NINJ2: variants seen among roughly 807,000 people sequenced by gnomAD.
NINJ2 encodes ninjurin-2.
In NINJ2, 12 loss-of-function variants were observed where a neutral mutation model predicts 11.7. The ratio of observed to expected loss-of-function variants is 1.02; its 90% CI spans 0.66 to 1.66. NINJ2 has a LOEUF of 1.66. Ranked by LOEUF, NINJ2 falls within the 40% of genes most tolerant of loss-of-function variation. The pLI is 0.00. For synonymous variants in NINJ2, 93 were observed against 76.8 expected, an observed-to-expected ratio of 1.21 and a Z score of -1.10; for missense variants, 187 against 181.8, an observed-to-expected ratio of 1.03 and a Z score of -0.16.
rs900897332 is a variant in NINJ2 at position 614,732 on chromosome 12, G to T, written c.34-48554C>A. Among the ~76,000 whole-genome samples the T allele has an allele frequency of 6.6e-6, 1 of 152,054 alleles. No homozygotes were observed. Among genetic ancestry groups the T allele is most frequent in the Non-Finnish European group, 1.5e-5 (1 of 68,020 alleles). On this transcript the variant is annotated intron_variant, in intron 1 of 3. Coordinates refer to ENST00000305108, the MANE Select transcript of NINJ2 (RefSeq NM_016533.6). This position sits in a 1 kb window ranked among gnomAD's most constrained non-coding sequence, Gnocchi z 5.1. ...GGGAACAAAGGCTTGACACCTCAGG[G>T]CTCGGCCTGCCTGTTTTTTGAGCTG...
In NINJ2 at chr12:633,420, C is replaced by T. The variant is rs1293004493; in HGVS notation, c.33+29908G>A. On this transcript the variant is annotated intron_variant, in intron 1 of 3. Transcript: ENST00000305108. The surrounding 1 kb of genome is among the most constrained non-coding windows in gnomAD (Gnocchi z 4.3). ...TGCTGAGGCAGGCGAATCACTGGTT[C>T]CACCAGGAGGTGGACGCTGCAGTGA... Among the ~76,000 whole-genome samples, 3 of 151,990 alleles carry T rather than the reference C, an allele frequency of 2.0e-5. No homozygotes were observed. The highest frequency in any genetic ancestry group is 2.9e-5 in the Non-Finnish European group (2 of 67,974).
intron 2 of NINJ2, 38 bp from the exon 3 acceptor site, chr12:565,439 G>T: frequency 2.5e-6 from 4 of 1,602,476 alleles, no homozygotes; most frequent in Non-Finnish European, 2.6e-6. Context: ...GGTCAGAGAC[G>T]GGGCCACAGC....
intron 1 of NINJ2, among the ~76,000 whole-genome samples, chr12:648,901 A>G (rs1230782666): frequency 6.6e-6 from 1 of 152,082 alleles, no homozygotes; most frequent in African/African-American, 2.4e-5. Context: ...CGGCACTAGA[A>G]TACTCTTGCA....
At chr12:568,750 A>C (rs1391835342) in intron 1 of NINJ2, among the ~76,000 whole-genome samples, 1 of 152,172 alleles carries the variant, frequency 6.6e-6, no homozygotes, top group East Asian at 1.9e-4. Flanking sequence ...GGTAATCAGG[A>C]GTGTGCACTT....
rs561155046 is a variant in NINJ2, at chr12:585,410, G to A, written c.34-19232C>T. Among the ~76,000 whole-genome samples the A allele has an allele frequency of 1.9e-4, 29 of 152,292 alleles. No homozygotes were observed. The highest frequency in any genetic ancestry group is 6.7e-4 in the African/African-American group (28 of 41,562). On this transcript the variant is annotated intron_variant, in intron 1 of 3. Transcript: ENST00000305108. This position sits in a 1 kb window ranked among gnomAD's most constrained non-coding sequence, Gnocchi z 4.1. ...ACAATCCCACACCAGGAAGCCCCAC[G>A]ATTCAACAGCACCACCCAGGATTTC...
intron 1 of NINJ2, among the ~76,000 whole-genome samples, chr12:629,576 G>A (rs1007865197): frequency 1.3e-5 from 2 of 152,030 alleles, no homozygotes; most frequent in East Asian, 1.9e-4. Context: ...AAACAAATTC[G>A]TAAATTGTCT....
intron 1 of NINJ2, among the ~76,000 whole-genome samples, chr12:593,626 G>A (rs901405906): frequency 1.1e-4 from 17 of 152,070 alleles, no homozygotes; most frequent in Non-Finnish European, 1.0e-4. Flanking sequence ...GAGGTGGGAG[G>A]AGCGCTTGAG....
intron 1 of NINJ2, among the ~76,000 whole-genome samples, chr12:656,405 T>TA (rs1299047096): frequency 1.3e-5 from 2 of 150,680 alleles, no homozygotes; most frequent in African/African-American, 4.9e-5. Flanking sequence ...GGTGACAAAA[T>TA]ACTGAAGGAA....
At position 595,281 on chromosome 12, in the gene NINJ2, A is replaced by G. The variant is rs143328910; in HGVS notation, c.34-29103T>C. The stretch of plus-strand genomic sequence containing the variant: ...GGAAATCTAGATGATGTAACGTAAC[A>G]TAGGATAGGATGACACAGGATTTCC... On this transcript the variant is annotated intron_variant, in intron 1 of 3. Coordinates refer to ENST00000305108, the MANE Select transcript of NINJ2 (RefSeq NM_016533.6). Among the ~76,000 whole-genome samples the G allele has an allele frequency of 1.6e-4, 24 of 152,374 alleles. No individual in the cohort carries two copies. The East Asian group carries it at 4.6e-3, about 29-fold the overall frequency.
intron 1 of NINJ2, among the ~76,000 whole-genome samples, chr12:620,006 C>A (rs1209006125): frequency 2.0e-5 from 3 of 152,248 alleles, no homozygotes; most frequent in Admixed American, 2.0e-4. Flanking sequence ...GCAGCCGTGT[C>A]ATGGCTTTGT....
At chr12:603,054 C>T (rs1435054896) in intron 1 of NINJ2, among the ~76,000 whole-genome samples, 1 of 151,904 alleles carries the variant, frequency 6.6e-6, no homozygotes, top group African/African-American at 2.4e-5. Context: ...CCAGGCTGGT[C>T]TTGAACTACT....
At chr12:594,003 C>T (rs899328888) in intron 1 of NINJ2, among the ~76,000 whole-genome samples, 1 of 152,054 alleles carries the variant, frequency 6.6e-6, no homozygotes, top group Non-Finnish European at 1.5e-5. Flanking sequence ...TGGTAAAAAA[C>T]TAAGAGCTTT....
At chr12:566,219 G>C in intron 1 of NINJ2, 41 bp from the exon 2 acceptor site, 4 of 1,543,136 alleles carry the variant, frequency 2.6e-6, no homozygotes, top group Non-Finnish European at 3.6e-6. Flanking sequence ...GGGAGCTCTG[G>C]AAGGGAAGCA....
At position 633,496 on chromosome 12, in the gene NINJ2, T is replaced by C. The variant is rs1269156729; in HGVS notation, c.33+29832A>G. ...GCCTGGGCAACAGAAAGAGACTGTC[T>C]CCAAAAAAAAAAAATCATGTCATTT... is the stretch of plus-strand genomic sequence containing the variant. On this transcript the variant is annotated intron_variant, in intron 1 of 3. Transcript: ENST00000305108. This position sits in a 1 kb window ranked among gnomAD's most constrained non-coding sequence, Gnocchi z 4.3. Among the ~76,000 whole-genome samples the C allele has an allele frequency of 4.0e-5, 6 of 148,416 alleles. No homozygotes were observed. Among genetic ancestry groups the C allele is most frequent in the African/African-American group, 1.3e-4 (5 of 39,940 alleles).
At chr12:642,396 A>T (rs1019598539) in intron 1 of NINJ2, among the ~76,000 whole-genome samples, 11 of 151,874 alleles carry the variant, frequency 7.2e-5, no homozygotes, top group African/African-American at 2.4e-4. Context: ...ACGCCCGGCT[A>T]ATTTTTGTAT....
rs1193683429 is a variant in NINJ2 at position 663,336 on chromosome 12, C to T, written c.25G>A (p.Asp9Asn). The T allele has an allele frequency of 6.8e-6, 11 of 1,614,068 alleles. No individual in the cohort carries two copies. The highest frequency in any genetic ancestry group is 9.3e-6 in the Non-Finnish European group (11 of 1,179,970). The change falls in exon 1 of 4, where the codon GAC becomes AAC. Residue 9 changes from aspartate to asparagine, a missense_variant. Asp to Asn is a conservative substitution (Grantham distance 23). Transcript: ENST00000305108. MESARENI[D>N]LQPGSSDPRS... ...TTCCAGAGAGAACTTACTTGAAGGTCGATGTTTTCTCTTGCTGATTCCATC... is the reference window on the plus strand; with the variant it reads ...TTCCAGAGAGAACTTACTTGAAGGTTGATGTTTTCTCTTGCTGATTCCATC...
chr12:640,315 G>GT lies in NINJ2; in HGVS notation c.33+23012dup, dbSNP rs572914577. Among the ~76,000 whole-genome samples, 5 of 152,272 alleles carry GT rather than the reference G, an allele frequency of 3.3e-5. No homozygotes were observed. The highest frequency in any genetic ancestry group is 2.6e-4 in the Admixed American group (4 of 15,284). ...AAGAACCATCATATCCAAAGTCCTT[G>GT]TTTTACAAATGTGGCAACTGAAGCT... On this transcript the variant is annotated intron_variant, in intron 1 of 3. Coordinates refer to ENST00000305108, the MANE Select transcript of NINJ2 (RefSeq NM_016533.6). This position sits in a 1 kb window ranked among gnomAD's most constrained non-coding sequence, Gnocchi z 4.0.
rs117897961 is a variant in NINJ2, at chr12:602,070, G to A, written c.34-35892C>T. 6.4e-4 allele frequency among the ~76,000 whole-genome samples: 98 copies of A among 152,232 alleles called. 1 individual carries two copies. In the East Asian group the frequency reaches 0.018, roughly 28 times the overall value. On this transcript the variant is annotated intron_variant, in intron 1 of 3. Coordinates refer to ENST00000305108, the MANE Select transcript of NINJ2 (RefSeq NM_016533.6). ...TGTGTCACTTCAGACGCAATGTCCC[G>A]TGTGGTGATGACTGAGGAACCCCAT...
At chr12:622,781 CTTTTT>C (rs919671868) in intron 1 of NINJ2, among the ~76,000 whole-genome samples, 1 of 149,056 alleles carries the variant, frequency 6.7e-6, no homozygotes, top group Admixed American at 6.7e-5. Context: ...GATAGCTTTT[CTTTTT>C]TTTTTAATTT....
Sources: gnomAD v4.1 joint callset for allele counts (sites outside exome capture counted in the v4.1 genomes callset) on GRCh38, gnomAD v4.1.1 for gene constraint, Gnocchi (gnomAD v3.1) non-coding constraint, MANE v1.5 for transcripts, NCBI Gene and HGNC (gene_info 2026-07-23, HGNC 2026-07-21) for gene names.